The following KLHL11 variants were observed in gnomAD, a reference collection of about 807,000 sequenced individuals.
KLHL11 encodes kelch like family member 11.
Under a neutral mutation model 56.1 loss-of-function variants are expected in KLHL11, and 26 were observed. That is an observed-to-expected ratio of 0.46 (90% CI 0.34 to 0.64). The LOEUF (loss-of-function observed/expected upper bound fraction) is 0.64. KLHL11 is among the 30% of genes least tolerant of loss of function. The pLI is 0.01. For missense variants in KLHL11, 627 were observed against 919.4 expected, an observed-to-expected ratio of 0.68 and a Z score of 4.11; for synonymous variants, 338 against 345.8, an observed-to-expected ratio of 0.98 and a Z score of 0.25.
chr17:41,859,337 G>A (rs1341826145), intron 1 of KLHL11, among the ~76,000 whole-genome samples: 1 of 152,168 alleles, frequency 6.6e-6, no homozygotes, highest in African/African-American at 2.4e-5. Context: ...GCTGAGGTGG[G>A]TGGATCACCT....
intron 1 of KLHL11, among the ~76,000 whole-genome samples, chr17:41,860,819 A>T (rs1486251810): frequency 6.6e-6 from 1 of 152,178 alleles, no homozygotes; most frequent in Non-Finnish European, 1.5e-5. Context: ...TATACTTTGC[A>T]GTCCAACCAT....
rs782692993 is a variant in KLHL11, at chr17:41,854,487, T to C, written c.1380A>G (p.Gly460=). The change falls in exon 2 of 2, where the codon GGA becomes GGG. Residue 460 remains glycine (G), a synonymous_variant. Coordinates refer to ENST00000319121, the MANE Select transcript of KLHL11 (RefSeq NM_018143.3). The surrounding 1 kb of genome is among the most constrained non-coding windows in gnomAD (Gnocchi z 4.9). Reference sequence around the variant, plus strand: ...TAAAACCAGGACTAAAGTTGCCATGTCCTCCAATGCTATAGAGCTTCCCTT... The same window carrying C: ...TAAAACCAGGACTAAAGTTGCCATGCCCTCCAATGCTATAGAGCTTCCCTT... ...EVKGKLYSIG[G]HGNFSPGFKD... 7.4e-6 allele frequency: 12 copies of C among 1,614,236 alleles called. No homozygotes were observed. The highest frequency in any genetic ancestry group is 1.7e-5 in the Admixed American group (1 of 60,024).
chr17:41,856,897 G>A (rs1597948275), intron 1 of KLHL11, among the ~76,000 whole-genome samples: 1 of 152,170 alleles, frequency 6.6e-6, no homozygotes, highest in East Asian at 1.9e-4. Flanking sequence ...GTGGGCACCT[G>A]TAATCCCAGC....
At position 41,855,200 on chromosome 17, in the gene KLHL11, T is replaced by C; in HGVS notation, c.667A>G (p.Lys223Glu). The C allele has an allele frequency of 6.2e-7, 1 of 1,614,142 alleles. No homozygotes were observed. The highest frequency in any genetic ancestry group is 8.5e-7 in the Non-Finnish European group (1 of 1,180,042). The change falls in exon 2 of 2, where the codon AAG (lysine) becomes GAG (glutamate). Residue 223 changes from lysine (K) to glutamate (E), a missense_variant. Around this residue, in one of 4 missense-constraint regions of KLHL11, gnomAD observed 150 missense variants for 215.7 expected, o/e 0.70. Transcript: ENST00000319121. The stretch of plus-strand genomic sequence containing the variant: ...TTTCTCCGTATCATATCAGCAGCCT[T>C]CAGAGCAAGTTGGCTCAGGGTGTAC... ...HMYTLSQLAL[K>E]AADMIRRNFH... is the part of the protein sequence containing the mutation.
At chr17:41,855,664 C>A (rs1479092162) in intron 1 of KLHL11, among the ~76,000 whole-genome samples, 2 of 151,678 alleles carry the variant, frequency 1.3e-5, no homozygotes, top group Admixed American at 1.3e-4. Flanking sequence ...AGCTGCCGTG[C>A]CCGGCCTACA....
chr17:41,862,516 G>A (rs567351070), intron 1 of KLHL11, among the ~76,000 whole-genome samples: 2 of 150,944 alleles, frequency 1.3e-5, no homozygotes, highest in East Asian at 2.0e-4. Context: ...TCCTGACCTC[G>A]TGATCTGCCC....
At position 41,853,604 on chromosome 17, in the gene KLHL11, T is replaced by G. The variant is rs1235606936; in HGVS notation, c.*136A>C. ...AGTCTCCCATTCTTTAGTTTTTAAC[T>G]CTATTTCCTTTATATGGGGTAATAA... On this transcript the variant is annotated 3_prime_UTR_variant, in exon 2 of 2. Coordinates refer to ENST00000319121, the MANE Select transcript of KLHL11 (RefSeq NM_018143.3). 5.8e-6 allele frequency: 6 copies of G among 1,039,292 alleles called. No individual in the cohort carries two copies. Among genetic ancestry groups the G allele is most frequent in the Non-Finnish European group, 8.1e-6 (6 of 741,800 alleles). 64.4% of individuals were successfully genotyped at this position (1,039,292 alleles called of 1,614,324 possible).
rs2048336202 is a variant in KLHL11 at position 41,852,266 on chromosome 17, C to T, written c.*1474G>A. Among the ~76,000 whole-genome samples the T allele has an allele frequency of 6.6e-6, 1 of 152,028 alleles. No homozygotes were observed. Among genetic ancestry groups the T allele is most frequent in the Admixed American group, 6.6e-5 (1 of 15,260 alleles). On this transcript the variant is annotated 3_prime_UTR_variant, in exon 2 of 2. Transcript: ENST00000319121. The stretch of plus-strand genomic sequence containing the variant: ...TCTTGGGCTCAAAATCTGCCCACCT[C>T]AGCCTCCTCCAAAGTGTTGGGATTA...
intron 1 of KLHL11, among the ~76,000 whole-genome samples, chr17:41,863,147 C>T (rs1555623201): frequency 6.6e-6 from 1 of 151,864 alleles, no homozygotes; most frequent in African/African-American, 2.4e-5. Context: ...CTCTCTGCGT[C>T]TGCCCTTGGT....
At position 41,854,005 on chromosome 17, in the gene KLHL11, T is replaced by C. The variant is rs2048348376; in HGVS notation, c.1862A>G (p.Asp621Gly). ...VFIIGGWKNS[D>G]DIDKQYRKEA... ...TTTCCGATACTGTTTATCAATATCA[T>C]CACTGTTTTTCCAGCCTCCTATAAT... The change falls in exon 2 of 2, where the codon GAT becomes GGT. Residue 621 changes from aspartate to glycine, a missense_variant. Asp to Gly is a moderately conservative substitution (Grantham distance 94). Around this residue, in one of 4 missense-constraint regions of KLHL11, gnomAD observed 250 missense variants for 360.6 expected, o/e 0.69. Transcript: ENST00000319121. This position sits in a 1 kb window ranked among gnomAD's most constrained non-coding sequence, Gnocchi z 4.9. 6.2e-7 allele frequency: 1 copy of C among 1,614,212 alleles called. No individual in the cohort carries two copies. The highest frequency in any genetic ancestry group is 8.5e-7 in the Non-Finnish European group (1 of 1,180,032).
chr17:41,865,344 C>CGCG lies in KLHL11; in HGVS notation c.26_27insCGC (p.Ala16dup), dbSNP rs1323760870. ...GAGATGCAGCCGCGGCCGCCGCCGC[C>CGCG]GCCGCCGCCACTGCCGCAGCCGCCA... On this transcript the variant is annotated inframe_insertion, in exon 1 of 2. Transcript: ENST00000319121. 3 of 1,440,962 alleles carry CGCG rather than the reference C, an allele frequency of 2.1e-6. No homozygotes were observed. The African/African-American group carries it at 4.5e-5, about 22-fold the overall frequency. 89.3% of individuals were successfully genotyped at this position (1,440,962 alleles called of 1,614,324 possible). A position where few individuals can be genotyped will look rare whatever the true frequency, so the allele number is the denominator to read the frequency against.
intron 1 of KLHL11, among the ~76,000 whole-genome samples, chr17:41,860,501 G>A (rs2144161861): frequency 6.6e-6 from 1 of 152,266 alleles, no homozygotes; most frequent in African/African-American, 2.4e-5. Context: ...CATTGGCTTA[G>A]CTGCTGACAG....
At position 41,853,097 on chromosome 17, in the gene KLHL11, T is replaced by C. The variant is rs2048341122; in HGVS notation, c.*643A>G. Among the ~76,000 whole-genome samples the C allele has an allele frequency of 1.3e-5, 2 of 152,192 alleles. No homozygotes were observed. On this transcript the variant is annotated 3_prime_UTR_variant, in exon 2 of 2. Coordinates refer to ENST00000319121, the MANE Select transcript of KLHL11 (RefSeq NM_018143.3). ...CACCTCAGATTGAAGGCTTAAAGTC[T>C]ATAAACAGCTGCTAATGAAAAATAT...
At chr17:41,855,399 G>A in intron 1 of KLHL11, 78 bp from the exon 2 acceptor site, 2 of 1,120,804 alleles carry the variant, frequency 1.8e-6, no homozygotes, top group Non-Finnish European at 2.5e-6. Flanking sequence ...TTTTTTTTGA[G>A]ACAGGGTCTC....
intron 1 of KLHL11, among the ~76,000 whole-genome samples, chr17:41,858,985 A>G (rs1194763343): frequency 6.6e-6 from 1 of 152,088 alleles, no homozygotes; most frequent in Non-Finnish European, 1.5e-5. Flanking sequence ...ATCAGAAGGA[A>G]CGCCCCCCTT....
intron 1 of KLHL11, among the ~76,000 whole-genome samples, chr17:41,856,650 G>C (rs2048368452): frequency 6.6e-6 from 1 of 152,020 alleles, no homozygotes; most frequent in South Asian, 2.1e-4. Flanking sequence ...CAGCACTTTG[G>C]GAAGCTGAGG....
At chr17:41,858,218 C>CTTTTTT (rs1174225045) in intron 1 of KLHL11, among the ~76,000 whole-genome samples, 30 of 116,402 alleles carry the variant, frequency 2.6e-4, no homozygotes, top group African/African-American at 7.9e-4. Context: ...TCACCAGCCT[C>CTTTTTT]TTTTTTTTTT....
chr17:41,858,405 TTTTTTG>T (rs1265883231), intron 1 of KLHL11, among the ~76,000 whole-genome samples: 3 of 49,088 alleles, frequency 6.1e-5, no homozygotes, highest in African/African-American at 3.3e-4. Flanking sequence ...TATATATATA[TTTTTTG>T]TTGTTGTTGT....
Position 41,865,226 on chromosome 17 carries a change from C to G in KLHL11, c.145G>C (p.Gly49Arg). 6.3e-7 allele frequency: 1 copy of G among 1,599,758 alleles called. No individual in the cohort carries two copies. The highest frequency in any genetic ancestry group is 8.5e-7 in the Non-Finnish European group (1 of 1,175,170). ...ATTGCAGAGATCCCCGGCCCAGGCCCGAAGTCCACCGTGCCGCTGCCTCGG... is the reference window on the plus strand; with the variant it reads ...ATTGCAGAGATCCCCGGCCCAGGCCGGAAGTCCACCGTGCCGCTGCCTCGG... ...EVRGSGTVDFGPGPGISAMEA... is the reference protein window; with the variant it reads ...EVRGSGTVDFRPGPGISAMEA... The change falls in exon 1 of 2, where the codon GGG (glycine) becomes CGG (arginine). Residue 49 changes from glycine (G) to arginine (R), a missense_variant. Transcript: ENST00000319121.
Sources: gnomAD v4.1 joint callset for allele counts (sites outside exome capture counted in the v4.1 genomes callset) on GRCh38, gnomAD v4.1.1 for gene constraint, gnomAD v4.1.1 regional missense constraint, Gnocchi (gnomAD v3.1) non-coding constraint, MANE v1.5 for transcripts, NCBI Gene and HGNC (gene_info 2026-07-23, HGNC 2026-07-21) for gene names.